Variants in LRP1B observed in about 807,000 individuals in gnomAD.
LRP1B encodes LDL receptor related protein 1B, also known as low-density lipoprotein receptor-related protein 1B.
LRP1B carries 217 observed loss-of-function variants against 556.6 expected under a neutral mutation model. That is an observed-to-expected ratio of 0.39 (90% CI 0.35 to 0.44). The LOEUF is 0.44. LRP1B is among the 20% of genes least tolerant of loss of function. The pLI is 1.00. For synonymous variants in LRP1B, 2,047 were observed against 1,865.8 expected, an observed-to-expected ratio of 1.10 and a Z score of -2.50; for missense variants, 5,053 against 5,620.8, an observed-to-expected ratio of 0.90 and a Z score of 3.23.
chr2:140,716,667 A>C lies in LRP1B; in HGVS notation c.5893+15T>G. ...ATAGGTGTGAAACAGAAAGATAAAA[A>C]GCCATGGATTATACCAGCAATCCAG... On this transcript the variant is annotated intron_variant, in intron 36 of 90. Transcript: ENST00000389484. The C allele has an allele frequency of 6.3e-7, 1 of 1,587,862 alleles. No individual in the cohort carries two copies. Among genetic ancestry groups the C allele is most frequent in the Non-Finnish European group, 8.5e-7 (1 of 1,170,240 alleles).
At chr2:141,949,411 A>G (rs1701046876) in intron 1 of LRP1B, among the ~76,000 whole-genome samples, 2 of 152,168 alleles carry the variant, frequency 1.3e-5, no homozygotes, top group African/African-American at 4.8e-5. Context: ...ATATATATGG[A>G]GACACGGTCT....
chr2:142,096,846 A>G (rs1244449060), intron 1 of LRP1B, among the ~76,000 whole-genome samples: 3 of 151,488 alleles, frequency 2.0e-5, no homozygotes, highest in Non-Finnish European at 4.4e-5. Context: ...CATAGTACCT[A>G]ATAGTTTTTT....
intron 1 of LRP1B, among the ~76,000 whole-genome samples, chr2:142,087,673 T>A (rs1203894132): frequency 6.6e-6 from 1 of 151,984 alleles, no homozygotes; most frequent in Non-Finnish European, 1.5e-5. Context: ...GTAATTCATT[T>A]TTGCCTAACA....
chr2:141,901,153 T>A (rs918418378), intron 1 of LRP1B, among the ~76,000 whole-genome samples: 1 of 152,046 alleles, frequency 6.6e-6, no homozygotes, highest in East Asian at 1.9e-4. Flanking sequence ...ACAGGACAAA[T>A]GCACTAAGGA....
intron 7 of LRP1B, among the ~76,000 whole-genome samples, chr2:141,178,166 C>A (rs1350026053): frequency 2.0e-5 from 3 of 152,038 alleles, no homozygotes; most frequent in African/African-American, 7.2e-5. Context: ...ATACACAGAG[C>A]CCCAGGGGCA....
intron 16 of LRP1B, among the ~76,000 whole-genome samples, chr2:140,993,095 T>TA (rs1451068955): frequency 6.6e-6 from 1 of 152,070 alleles, no homozygotes; most frequent in Non-Finnish European, 1.5e-5. Context: ...AAAAGATCTT[T>TA]AAAACTTCAT....
chr2:141,183,911 GAATT>G (rs1211603379), intron 7 of LRP1B, among the ~76,000 whole-genome samples: 1 of 151,852 alleles, frequency 6.6e-6, no homozygotes, highest in African/African-American at 2.4e-5. Context: ...ATCACACCTA[GAATT>G]AATTATCTCC....
chr2:140,662,182 C>CTA (rs1398608670), intron 41 of LRP1B, among the ~76,000 whole-genome samples: 1 of 151,622 alleles, frequency 6.6e-6, no homozygotes, highest in Non-Finnish European at 1.5e-5. Flanking sequence ...TATATATCCG[C>CTA]TATATATATA....
Position 141,516,345 on chromosome 2 carries a change from T to G in LRP1B, c.206-35812A>C, listed in dbSNP as rs186770020. On this transcript the variant is annotated intron_variant, in intron 2 of 90. Transcript: ENST00000389484. The stretch of plus-strand genomic sequence containing the variant: ...TGCTCAAATCTCCTCTTTATATACC[T>G]GATAATGAACTGTTCTGATTATCTA... Among the ~76,000 whole-genome samples, 327 of 152,310 alleles carry G rather than the reference T, an allele frequency of 2.1e-3. 1 individual carries two copies. Among genetic ancestry groups the G allele is most frequent in the African/African-American group, 7.5e-3 (313 of 41,560 alleles).
intron 1 of LRP1B, among the ~76,000 whole-genome samples, chr2:142,045,824 G>A (rs111731477): frequency 6.6e-6 from 1 of 151,968 alleles, no homozygotes; most frequent in Non-Finnish European, 1.5e-5. Context: ...TTAAGCCTGG[G>A]ATTTGAGCCT....
chr2:140,844,758 A>G (rs930621773), intron 29 of LRP1B, among the ~76,000 whole-genome samples: 2 of 152,200 alleles, frequency 1.3e-5, no homozygotes, highest in Non-Finnish European at 2.9e-5. Context: ...CACAACACTG[A>G]TGCATGAAAA....
intron 1 of LRP1B, among the ~76,000 whole-genome samples, chr2:141,967,957 A>T (rs77607445): frequency 0.044 from 6,741 of 151,802 alleles, 378 homozygotes; most frequent in African/African-American, 0.13. Context: ...TTAAATTTTT[A>T]AAAAAAGTAT....
intron 2 of LRP1B, among the ~76,000 whole-genome samples, chr2:141,666,142 T>G (rs1821820): frequency 0.42 from 63,297 of 151,898 alleles, 13,578 homozygotes; most frequent in Non-Finnish European, 0.47. Flanking sequence ...AATAATAAAA[T>G]ATTGTTTCCC....
chr2:140,303,937 G>A (rs1382410785), intron 83 of LRP1B, among the ~76,000 whole-genome samples: 1 of 151,916 alleles, frequency 6.6e-6, no homozygotes, highest in Non-Finnish European at 1.5e-5. Context: ...GTGATAGTTT[G>A]CTGAGAATGA....
chr2:140,694,668 T>C (rs1185740897), intron 41 of LRP1B, among the ~76,000 whole-genome samples: 1 of 152,162 alleles, frequency 6.6e-6, no homozygotes, highest in Non-Finnish European at 1.5e-5. Context: ...TCTTTGCCAT[T>C]TGTCAACATT....
intron 19 of LRP1B, 100 bp from the exon 20 acceptor site, chr2:140,950,502 GAGAC>G (rs1407384059): frequency 9.8e-7 from 1 of 1,021,020 alleles, no homozygotes; most frequent in Non-Finnish European, 1.4e-6. Flanking sequence ...GTTGTTTTTT[GAGAC>G]AGAGTCTTGC....
intron 27 of LRP1B, among the ~76,000 whole-genome samples, chr2:140,867,289 C>T: frequency 6.6e-6 from 1 of 152,022 alleles, no homozygotes; most frequent in African/African-American, 2.4e-5. Context: ...ACCACCCCCT[C>T]TCTTCCCAAT....
chr2:141,943,866 T>C (rs1700884778), intron 1 of LRP1B, among the ~76,000 whole-genome samples: 1 of 152,060 alleles, frequency 6.6e-6, no homozygotes, highest in Non-Finnish European at 1.5e-5. Flanking sequence ...GCAGACACTT[T>C]GAAGGGTGAG....
chr2:140,862,914 T>A (rs186963922), intron 27 of LRP1B, among the ~76,000 whole-genome samples: 37 of 152,276 alleles, frequency 2.4e-4, no homozygotes, highest in African/African-American at 7.2e-4. Context: ...ACGACATATA[T>A]CTTATCCTAC....
Sources: allele counts gnomAD v4.1 joint callset (sites outside exome capture counted in the v4.1 genomes callset), GRCh38; gene constraint gnomAD v4.1.1; transcripts MANE v1.5; gene names NCBI Gene and HGNC (gene_info 2026-07-23, HGNC 2026-07-21).